Variants in ZNF33B observed in about 807,000 individuals in gnomAD.
ZNF33B encodes zinc finger protein 11b (KOX 2).
A neutral mutation model predicts 45.8 loss-of-function variants in ZNF33B; 29 were observed. The observed-to-expected ratio is 0.63, with a 90% confidence interval of 0.47 to 0.86. The LOEUF (loss-of-function observed/expected upper bound fraction) is 0.86, where lower values mean the gene tolerates loss of function less well. Among genes scored for constraint, ZNF33B ranks in the 40% least tolerant of loss-of-function variants. The pLI is 0.00. For synonymous variants in ZNF33B, 305 were observed against 307.8 expected (o/e 0.99, Z 0.10); for missense variants, 831 against 909.9 (o/e 0.91, Z 1.12).
In ZNF33B at chr10:42,615,290, T is replaced by A. The variant is rs1354466955; in HGVS notation, c.250+16639A>T. Among the ~76,000 whole-genome samples the A allele has an allele frequency of 3.3e-5, 5 of 152,200 alleles. No individual in the cohort carries two copies. In the East Asian group the frequency reaches 7.7e-4, roughly 23 times the overall value. ...ACATGAACAATTACAGCAGAATTAT[T>A]CATAATAGTCAAGAAGTAGAACTAA... is the stretch of plus-strand genomic sequence containing the variant. On this transcript the variant is annotated intron_variant, in intron 4 of 4. Transcript: ENST00000359467.
chr10:42,607,278 C>T (rs1395077886), intron 4 of ZNF33B, among the ~76,000 whole-genome samples: 1 of 149,980 alleles, frequency 6.7e-6, no homozygotes, highest in East Asian at 2.0e-4. Context: ...TTCAAAGAGA[C>T]ATAGTAATTT....
intron 4 of ZNF33B, among the ~76,000 whole-genome samples, chr10:42,597,325 T>C (rs1263634564): frequency 6.6e-6 from 1 of 152,142 alleles, no homozygotes; most frequent in Non-Finnish European, 1.5e-5. Context: ...TTTTTTCCTT[T>C]AACATATTTT....
At chr10:42,626,610 C>T (rs931539733) in intron 4 of ZNF33B, among the ~76,000 whole-genome samples, 6 of 151,932 alleles carry the variant, frequency 3.9e-5, no homozygotes, top group Non-Finnish European at 7.4e-5. Flanking sequence ...ATCACTTGAA[C>T]CTGGGAGGCA....
At chr10:42,604,526 CAG>C (rs1837758542) in intron 4 of ZNF33B, among the ~76,000 whole-genome samples, 1 of 152,124 alleles carries the variant, frequency 6.6e-6, no homozygotes, top group Non-Finnish European at 1.5e-5. Flanking sequence ...TCTCATCAAA[CAG>C]AAAAATATTA....
chr10:42,623,975 T>G (rs183207272), intron 4 of ZNF33B, among the ~76,000 whole-genome samples: 37 of 152,356 alleles, frequency 2.4e-4, no homozygotes, highest in Middle Eastern at 3.4e-3. Context: ...CCAGACAGTA[T>G]GGCTTAAACA....
intron 4 of ZNF33B, among the ~76,000 whole-genome samples, chr10:42,614,939 C>G (rs35666452): frequency 6.6e-6 from 1 of 150,740 alleles, no homozygotes; most frequent in African/African-American, 2.4e-5. Flanking sequence ...GGCAACAGAG[C>G]GAGATTCCAT....
At chr10:42,579,377 T>G (rs1221794901) in intron 1 of ZNF33B, among the ~76,000 whole-genome samples, 1 of 152,190 alleles carries the variant, frequency 6.6e-6, no homozygotes, top group African/African-American at 2.4e-5. Flanking sequence ...ACCCAGAAAG[T>G]CCAAATTTGG....
chr10:42,634,630 A>C (rs1417136682), intron 2 of ZNF33B, among the ~76,000 whole-genome samples: 2 of 152,224 alleles, frequency 1.3e-5, no homozygotes, highest in African/African-American at 2.4e-5. Context: ...GTCCAAAAAA[A>C]CACACAGACA....
rs1338781707 is a variant in ZNF33B, at chr10:42,593,605, AT to A, written c.1344del (p.Lys448AsnfsTer5). The A allele has an allele frequency of 6.2e-7, 1 of 1,612,416 alleles. No individual in the cohort carries two copies. On this transcript the variant is annotated frameshift_variant, in exon 5 of 5. Transcript: ENST00000359467. LOFTEE classifies it high-confidence loss of function. Reference protein sequence around the residue: ...QKPYECYECGKSFCMNSHLTV... With the variant: ...QKPYECYECGXSFCMNSHLTV... ...GTAAGGTGTGAATTCATACAGAAGGATTTTCCACATTCATAACATTCATAGG... is the reference window on the plus strand; with the variant it reads ...GTAAGGTGTGAATTCATACAGAAGGATTTCCACATTCATAACATTCATAGG...
intron 1 of ZNF33B, among the ~76,000 whole-genome samples, chr10:42,579,034 A>C (rs763463616): frequency 7.9e-5 from 12 of 152,100 alleles, no homozygotes; most frequent in Non-Finnish European, 1.0e-4. Context: ...ACAGATCTTG[A>C]CACCCCTGCT....
At chr10:42,618,364 G>A (rs1564518565) in intron 4 of ZNF33B, among the ~76,000 whole-genome samples, 3 of 152,120 alleles carry the variant, frequency 2.0e-5, no homozygotes, top group South Asian at 4.1e-4. Context: ...TGGATTATTC[G>A]GGTTTGGGCT....
At chr10:42,627,876 C>A (rs1044501026) in intron 4 of ZNF33B, among the ~76,000 whole-genome samples, 1 of 152,092 alleles carries the variant, frequency 6.6e-6, no homozygotes, top group Non-Finnish European at 1.5e-5. Context: ...TTCATTATGG[C>A]CAGAAAACAT....
At chr10:42,586,856 A>G (rs555637969), downstream of ZNF33B, among the ~76,000 whole-genome samples, 11 of 152,244 alleles carry the variant, frequency 7.2e-5, no homozygotes, top group Middle Eastern at 3.4e-3. Flanking sequence ...ATAACAAACC[A>G]CCTGAGACTA....
chr10:42,581,495 T>C (rs1402648408), intron 1 of ZNF33B: 2 of 144,178 alleles, frequency 1.4e-5, no homozygotes, highest in African/African-American at 5.2e-5. Flanking sequence ...AAAAAGTGTG[T>C]CCACGGGAAG....
At chr10:42,586,150 ATTTT>A (rs67457246), downstream of ZNF33B, among the ~76,000 whole-genome samples, 17 of 121,526 alleles carry the variant, frequency 1.4e-4, 1 homozygote, top group South Asian at 1.0e-3. Context: ...TTTTCCTCAG[ATTTT>A]TTTTTTTTTT....
chr10:42,608,651 G>GA (rs1225332839), intron 4 of ZNF33B, among the ~76,000 whole-genome samples: 7 of 152,030 alleles, frequency 4.6e-5, no homozygotes, highest in Admixed American at 1.3e-4. Flanking sequence ...AATGCTTAGA[G>GA]AGAGATTTGT....
At chr10:42,595,585 A>G (rs1473277304) in intron 4 of ZNF33B, among the ~76,000 whole-genome samples, 1 of 152,134 alleles carries the variant, frequency 6.6e-6, no homozygotes, top group African/African-American at 2.4e-5. Flanking sequence ...TGGGGACTTT[A>G]AGGAGATTAA....
chr10:42,628,487 AGTTTT>A, intron 4 of ZNF33B, among the ~76,000 whole-genome samples: 1 of 152,280 alleles, frequency 6.6e-6, no homozygotes, highest in African/African-American at 2.4e-5. Context: ...CAACTCAATC[AGTTTT>A]GTTTTGTGTA....
At chr10:42,631,478 T>C (rs1210211057) in intron 4 of ZNF33B, among the ~76,000 whole-genome samples, 1 of 152,204 alleles carries the variant, frequency 6.6e-6, no homozygotes, top group African/African-American at 2.4e-5. Context: ...GGATTACAGG[T>C]GTGAGCTACC....
Sources: gnomAD v4.1 joint callset for allele counts (sites outside exome capture counted in the v4.1 genomes callset) on GRCh38, gnomAD v4.1.1 for gene constraint, MANE v1.5 for transcripts, NCBI Gene and HGNC (gene_info 2026-07-23, HGNC 2026-07-21) for gene names.